Variants in LYRM4 observed in about 807,000 individuals in gnomAD.
LYRM4 encodes LYR motif containing 4.
LYRM4 carries 9 observed loss-of-function variants against 11.7 expected under a neutral mutation model. The observed-to-expected ratio is 0.77, with a 90% CI of 0.46 to 1.34. The LOEUF (loss-of-function observed/expected upper bound fraction) is 1.34. Ranked by LOEUF, LYRM4 falls within the 40% of genes most tolerant of loss-of-function variation. The probability of loss-of-function intolerance (pLI) is 0.00; values close to 1 mark genes in which losing one functional copy is unlikely to be tolerated. For synonymous variants in LYRM4, 42 were observed against 40.4 expected, an observed-to-expected ratio of 1.04 and a Z score of -0.15; for missense variants, 133 against 112.5, an observed-to-expected ratio of 1.18 and a Z score of -0.82.
intron 1 of LYRM4, among the ~76,000 whole-genome samples, chr6:5,242,764 CTCTTT>C (rs869135609): frequency 0.01 from 1,471 of 140,692 alleles, 25 homozygotes; most frequent in African/African-American, 0.039. Context: ...AGGATTTCTG[CTCTTT>C]TTTTTTTTTT....
chr6:5,057,345 C>T, the LYRM4 span, among the ~76,000 whole-genome samples: 1 of 152,068 alleles, frequency 6.6e-6, no homozygotes, highest in African/African-American at 2.4e-5. Context: ...CTCCTCCCTG[C>T]CCACCCTTTC....
At chr6:5,081,780 A>C in the LYRM4 span, among the ~76,000 whole-genome samples, 1 of 152,314 alleles carries the variant, frequency 6.6e-6, no homozygotes, top group Non-Finnish European at 1.5e-5. Context: ...ATCACACCTG[A>C]ATTTATGCTA....
intron 1 of LYRM4, among the ~76,000 whole-genome samples, chr6:5,235,650 G>C (rs1763497256): frequency 6.6e-6 from 1 of 152,098 alleles, no homozygotes; most frequent in Non-Finnish European, 1.5e-5. Context: ...TCAGGCATAA[G>C]GTATTTAAAC....
At chr6:5,127,161 G>C (rs1044914918) in intron 2 of LYRM4, among the ~76,000 whole-genome samples, 1 of 152,118 alleles carries the variant, frequency 6.6e-6, no homozygotes, top group Non-Finnish European at 1.5e-5. Context: ...TGTTGGCCAG[G>C]CTGGTCTCAA....
the LYRM4 span, among the ~76,000 whole-genome samples, chr6:5,083,227 A>G: frequency 6.6e-6 from 1 of 152,178 alleles, no homozygotes; most frequent in Non-Finnish European, 1.5e-5. Context: ...GGTCGCCACC[A>G]CCTCAAAATC....
At chr6:5,089,970 C>A in the LYRM4 span, among the ~76,000 whole-genome samples, 1 of 150,672 alleles carries the variant, frequency 6.6e-6, no homozygotes, top group Non-Finnish European at 1.5e-5. Context: ...AAGGGCAATA[C>A]GACCAGAGTG....
At chr6:5,126,162 T>G (rs1269650263) in intron 2 of LYRM4, among the ~76,000 whole-genome samples, 1 of 152,226 alleles carries the variant, frequency 6.6e-6, no homozygotes, top group East Asian at 1.9e-4. Flanking sequence ...GATAGAAGTA[T>G]CCTAAGCTCT....
the LYRM4 span, among the ~76,000 whole-genome samples, chr6:5,083,164 T>A: frequency 6.6e-6 from 1 of 152,154 alleles, no homozygotes; most frequent in African/African-American, 2.4e-5. Flanking sequence ...CTCCCTCACC[T>A]CCTTCTCTGT....
chr6:5,053,674 A>G, the LYRM4 span, among the ~76,000 whole-genome samples: 1 of 152,068 alleles, frequency 6.6e-6, no homozygotes, highest in Non-Finnish European at 1.5e-5. Context: ...GAAATTGGAC[A>G]TTAAAACCAG....
the LYRM4 span, among the ~76,000 whole-genome samples, chr6:5,052,483 AG>A: frequency 2.6e-5 from 4 of 152,270 alleles, no homozygotes; most frequent in South Asian, 8.3e-4. Context: ...TTGTAGAGAT[AG>A]CATCTCACTA....
intron 1 of LYRM4, among the ~76,000 whole-genome samples, chr6:5,227,445 T>C (rs1762958919): frequency 6.6e-6 from 1 of 152,078 alleles, no homozygotes; most frequent in Admixed American, 6.5e-5. Flanking sequence ...GTAGATAAGA[T>C]TGTTAGGATG....
chr6:5,050,017 A>G, the LYRM4 span, among the ~76,000 whole-genome samples: 1 of 152,254 alleles, frequency 6.6e-6, no homozygotes, highest in African/African-American at 2.4e-5. Context: ...TTTCAGCCAT[A>G]GACATCCAAA....
the LYRM4 span, among the ~76,000 whole-genome samples, chr6:5,072,457 T>C: frequency 2.0e-5 from 3 of 152,336 alleles, no homozygotes; most frequent in Admixed American, 6.5e-5. Context: ...TGTAAAAGCC[T>C]ACATTTTTCT....
downstream of LYRM4, chr6:5,105,485 T>A (rs1762634723): frequency 6.6e-6 from 1 of 152,314 alleles, no homozygotes; most frequent in African/African-American, 2.4e-5. Context: ...TCCCAGTGTA[T>A]CCCCTCAAAA....
At chr6:5,199,001 T>C (rs1185140645) in intron 2 of LYRM4, among the ~76,000 whole-genome samples, 2 of 152,188 alleles carry the variant, frequency 1.3e-5, no homozygotes, top group African/African-American at 2.4e-5. Context: ...GACTAGGTAA[T>C]TCCTCAAAAA....
intron 1 of LYRM4, among the ~76,000 whole-genome samples, chr6:5,243,807 G>A (rs1334802249): frequency 6.6e-6 from 1 of 152,044 alleles, no homozygotes; most frequent in African/African-American, 2.4e-5. Flanking sequence ...TTTGAAAATC[G>A]TTGGTGAAAC....
At chr6:5,235,152 AT>A (rs60692779) in intron 1 of LYRM4, among the ~76,000 whole-genome samples, 3,198 of 151,792 alleles carry the variant, frequency 0.021, 101 homozygotes, top group African/African-American at 0.072. Flanking sequence ...TTGAATTGTA[AT>A]TTTTTTTGAG....
chr6:5,245,038 ACTG>A (rs1451272067), intron 1 of LYRM4, among the ~76,000 whole-genome samples: 1 of 139,394 alleles, frequency 7.2e-6, no homozygotes, highest in Non-Finnish European at 1.5e-5. Flanking sequence ...CATATGTGAC[ACTG>A]ATCCCAAGGA....
At chr6:5,041,188 T>C in the LYRM4 span, among the ~76,000 whole-genome samples, 7 of 145,590 alleles carry the variant, frequency 4.8e-5, no homozygotes, top group Non-Finnish European at 1.1e-4. Context: ...TACACCTAGG[T>C]GTGTATTTTG....
Sources: allele counts gnomAD v4.1 joint callset (sites outside exome capture counted in the v4.1 genomes callset), GRCh38; gene constraint gnomAD v4.1.1; transcripts MANE v1.5; gene names NCBI Gene and HGNC (gene_info 2026-07-23, HGNC 2026-07-21).